Variants in NEGR1 observed in about 807,000 individuals in gnomAD.
NEGR1 encodes IgLON family member 4.
In NEGR1, 10 loss-of-function variants were observed where a neutral mutation model predicts 40.9. That is an observed-to-expected ratio of 0.24 (90% CI 0.15 to 0.42). The LOEUF (loss-of-function observed/expected upper bound fraction) is 0.42. Ranked by LOEUF, NEGR1 falls within the 10% of genes least tolerant of loss-of-function variation. The probability of loss-of-function intolerance (pLI) is 1.00; values close to 1 mark genes in which losing one functional copy is unlikely to be tolerated. For missense variants in NEGR1, 352 were observed against 438.9 expected (o/e 0.80, Z 1.77); for synonymous variants, 185 against 166.8 (o/e 1.11, Z -0.84).
intron 1 of NEGR1, among the ~76,000 whole-genome samples, chr1:72,089,987 G>C (rs1648398308): frequency 6.6e-6 from 1 of 152,048 alleles, no homozygotes; most frequent in Admixed American, 6.6e-5. Context: ...ATAAAGATTG[G>C]AAGTTAGGGA....
At position 71,794,695 on chromosome 1, in the gene NEGR1, G is replaced by A. The variant is rs377575947; in HGVS notation, c.410-18398C>T. On this transcript the variant is annotated intron_variant, in intron 2 of 6. Coordinates refer to ENST00000357731, the MANE Select transcript of NEGR1 (RefSeq NM_173808.3). ...AGCATTGAAGTTGGAAAAAGAGTAA[G>A]ATGTAAAACACAAGCCAGATGAAAA... Among the ~76,000 whole-genome samples the A allele has an allele frequency of 2.6e-5, 4 of 152,136 alleles. No individual in the cohort carries two copies. In the East Asian group the frequency reaches 7.7e-4, roughly 29 times the overall value.
At chr1:71,792,438 C>T (rs1381885822) in intron 2 of NEGR1, among the ~76,000 whole-genome samples, 2 of 152,140 alleles carry the variant, frequency 1.3e-5, no homozygotes, top group Non-Finnish European at 2.9e-5. Flanking sequence ...CATCCTGTTT[C>T]ACCAAACAGC....
intron 3 of NEGR1, among the ~76,000 whole-genome samples, chr1:71,753,853 A>G (rs567241059): frequency 6.6e-6 from 1 of 152,138 alleles, no homozygotes; most frequent in East Asian, 1.9e-4. Context: ...GCAGAAGAAC[A>G]CCTGGGAAGA....
intron 2 of NEGR1, among the ~76,000 whole-genome samples, chr1:71,830,887 G>A (rs1658815849): frequency 6.6e-6 from 1 of 151,788 alleles, no homozygotes; most frequent in South Asian, 2.1e-4. Flanking sequence ...GTGTTATGGG[G>A]AGACACAATT....
chr1:71,530,425 T>C (rs1344736809), intron 6 of NEGR1, among the ~76,000 whole-genome samples: 1 of 151,246 alleles, frequency 6.6e-6, no homozygotes, highest in Non-Finnish European at 1.5e-5. Context: ...TTTAAAAGCT[T>C]TTGTTTATCA....
At chr1:71,980,875 T>G (rs998718981) in intron 1 of NEGR1, among the ~76,000 whole-genome samples, 1 of 152,118 alleles carries the variant, frequency 6.6e-6, no homozygotes, top group Non-Finnish European at 1.5e-5. Flanking sequence ...CCTTAAAATG[T>G]TCTCACCATC....
chr1:71,925,339 T>C (rs1429295757), intron 2 of NEGR1, among the ~76,000 whole-genome samples: 2 of 152,202 alleles, frequency 1.3e-5, no homozygotes, highest in Non-Finnish European at 2.9e-5. Context: ...ACTGACAACT[T>C]AGTGCAGGTG....
chr1:71,501,123 T>C (rs1403543796), intron 6 of NEGR1, among the ~76,000 whole-genome samples: 3 of 152,092 alleles, frequency 2.0e-5, no homozygotes, highest in African/African-American at 7.2e-5. Flanking sequence ...TATCAGATTG[T>C]CAATGTATCT....
In NEGR1 at chr1:72,162,456, CCAAA is replaced by C. The variant is rs745791852; in HGVS notation, c.176+119859_176+119862del. The stretch of plus-strand genomic sequence containing the variant: ...ACTCCAGCCTAGGCTACAGAGGAAG[CCAAA>C]CAAACAAACAAACAAACAAACAAAA... On this transcript the variant is annotated intron_variant, in intron 1 of 6. Transcript: ENST00000357731. Among the ~76,000 whole-genome samples, 301 of 151,600 alleles carry C rather than the reference CCAAA, an allele frequency of 2.0e-3. 3 individuals are homozygous for C. Among genetic ancestry groups the C allele is most frequent in the Admixed American group, 8.5e-3 (129 of 15,190 alleles).
At chr1:71,880,753 A>G (rs1323790365) in intron 2 of NEGR1, among the ~76,000 whole-genome samples, 1 of 152,006 alleles carries the variant, frequency 6.6e-6, no homozygotes, top group African/African-American at 2.4e-5. Flanking sequence ...ACTCCTCAAA[A>G]AAGAGTAAGA....
intron 1 of NEGR1, among the ~76,000 whole-genome samples, chr1:71,962,840 AGAGAC>A (rs1646177432): frequency 1.3e-5 from 2 of 151,946 alleles, no homozygotes; most frequent in Non-Finnish European, 1.5e-5. Context: ...GAGTCACATA[AGAGAC>A]AGTTGTTCTC....
At chr1:71,698,582 T>C (rs1653568142) in intron 3 of NEGR1, among the ~76,000 whole-genome samples, 1 of 151,862 alleles carries the variant, frequency 6.6e-6, no homozygotes, top group African/African-American at 2.4e-5. Context: ...CCTACCCTTA[T>C]TCAAGGATTC....
At chr1:72,238,830 A>G (rs1328758769) in intron 1 of NEGR1, among the ~76,000 whole-genome samples, 1 of 151,966 alleles carries the variant, frequency 6.6e-6, no homozygotes, top group Non-Finnish European at 1.5e-5. Flanking sequence ...AAGAAGGCAT[A>G]GAAGAGGAAT....
intron 1 of NEGR1, among the ~76,000 whole-genome samples, chr1:72,050,875 A>G (rs980400810): frequency 1.1e-4 from 17 of 151,548 alleles, no homozygotes; most frequent in African/African-American, 3.9e-4. Flanking sequence ...AAAGAAGCCC[A>G]CTTAGAGTAG....
intron 5 of NEGR1, among the ~76,000 whole-genome samples, chr1:71,609,003 T>C (rs1025846538): frequency 5.3e-5 from 8 of 152,186 alleles, no homozygotes; most frequent in African/African-American, 1.9e-4. Flanking sequence ...TTGGCAGATG[T>C]ACAATATTGT....
intron 2 of NEGR1, among the ~76,000 whole-genome samples, chr1:71,910,235 T>A (rs549826325): frequency 6.6e-6 from 1 of 152,302 alleles, no homozygotes; most frequent in East Asian, 1.9e-4. Context: ...TCATCTAAAC[T>A]GATAAGGGAC....
chr1:72,260,715 TATA>T (rs1429683923), intron 1 of NEGR1, among the ~76,000 whole-genome samples: 2 of 152,238 alleles, frequency 1.3e-5, no homozygotes, highest in Admixed American at 1.3e-4. Flanking sequence ...CAAATTGGAA[TATA>T]ATATTTTAAA....
intron 1 of NEGR1, among the ~76,000 whole-genome samples, chr1:72,017,075 C>T (rs988202950): frequency 6.6e-6 from 1 of 151,478 alleles, no homozygotes; most frequent in Admixed American, 6.6e-5. Context: ...ATGTAATGTG[C>T]ATACATATAC....
intron 6 of NEGR1, among the ~76,000 whole-genome samples, chr1:71,561,642 A>G (rs887135787): frequency 2.0e-5 from 3 of 151,838 alleles, no homozygotes; most frequent in African/African-American, 7.2e-5. Context: ...AGTTTTTTAT[A>G]TCATTGTTTC....
Sources: allele counts gnomAD v4.1 joint callset (sites outside exome capture counted in the v4.1 genomes callset), GRCh38; gene constraint gnomAD v4.1.1; transcripts MANE v1.5; gene names NCBI Gene and HGNC (gene_info 2026-07-23, HGNC 2026-07-21).